Variants in NAV3 observed in about 807,000 individuals in gnomAD.
NAV3 encodes the protein neuron navigator 3, also known as pore membrane and/or filament interacting like protein 1.
A neutral mutation model predicts 244.7 loss-of-function variants in NAV3; 87 were observed. The ratio of observed to expected loss-of-function variants is 0.36; its 90% CI spans 0.30 to 0.42. The LOEUF is 0.42. Ranked by LOEUF, NAV3 falls within the 20% of genes least tolerant of loss-of-function variation. The pLI is 1.00. For synonymous variants in NAV3, 1,126 were observed against 1,042.2 expected (o/e 1.08, Z -1.55); for missense variants, 2,663 against 2,893.3 (o/e 0.92, Z 1.83).
intron 2 of NAV3, among the ~76,000 whole-genome samples, chr12:77,587,742 A>G (rs1343812035): frequency 1.3e-5 from 2 of 152,232 alleles, no homozygotes; most frequent in African/African-American, 2.4e-5. Flanking sequence ...AATAAGATGC[A>G]TGAATAGTTA....
At position 77,712,018 on chromosome 12, in the gene NAV3, G is replaced by A. The variant is rs1565782411; in HGVS notation, c.72+139752G>A. On this transcript the variant is annotated intron_variant, in intron 2 of 8. Coordinates refer to the NAV3 transcript ENST00000550042. The stretch of plus-strand genomic sequence containing the variant: ...AAAAAGCTTAGCTCTTTTGAATTAA[G>A]TCTGTGCATGTCTGTCCTTTAAACC... 2.0e-5 allele frequency among the ~76,000 whole-genome samples: 3 copies of A among 152,068 alleles called. No homozygotes were observed. In the South Asian group the frequency reaches 6.2e-4, roughly 32 times the overall value.
chr12:77,739,827 A>T (rs1868294177), intron 2 of NAV3, among the ~76,000 whole-genome samples: 1 of 152,210 alleles, frequency 6.6e-6, no homozygotes, highest in South Asian at 2.1e-4. Context: ...CCACATGGAT[A>T]ATTGTCTCAT....
At chr12:78,148,462 C>T (rs541245626) in intron 21 of NAV3, among the ~76,000 whole-genome samples, 9 of 151,646 alleles carry the variant, frequency 5.9e-5, no homozygotes, top group Admixed American at 2.0e-4. Context: ...TAAAAAAGAA[C>T]AAGAAAAATA....
At chr12:77,843,588 A>G (rs1026811162) in intron 1 of NAV3, among the ~76,000 whole-genome samples, 1 of 151,626 alleles carries the variant, frequency 6.6e-6, no homozygotes, top group African/African-American at 2.4e-5. Flanking sequence ...AGGAATCTAT[A>G]TTCATTTTTT....
intron 1 of NAV3, among the ~76,000 whole-genome samples, chr12:77,881,865 C>T (rs1882694292): frequency 1.3e-5 from 2 of 152,044 alleles, no homozygotes; most frequent in South Asian, 2.1e-4. Flanking sequence ...ATACAGCTAA[C>T]CAAGGTGGTG....
At chr12:77,619,225 C>A (rs1432777571) in intron 2 of NAV3, among the ~76,000 whole-genome samples, 1 of 152,148 alleles carries the variant, frequency 6.6e-6, no homozygotes, top group Admixed American at 6.5e-5. Flanking sequence ...AGAGCTCTCT[C>A]GTCAACCCCC....
intron 1 of NAV3, among the ~76,000 whole-genome samples, chr12:77,924,511 G>A (rs1042878266): frequency 3.3e-5 from 5 of 152,064 alleles, no homozygotes; most frequent in Admixed American, 2.0e-4. Context: ...GGGACTTCCA[G>A]GCATGAGGCA....
intron 12 of NAV3, among the ~76,000 whole-genome samples, chr12:78,111,172 T>G (rs1485757162): frequency 2.0e-5 from 3 of 152,126 alleles, no homozygotes; most frequent in African/African-American, 7.2e-5. Context: ...ACCTAAATAC[T>G]TGATCACTAT....
At chr12:77,664,602 T>A (rs1261245497) in intron 2 of NAV3, among the ~76,000 whole-genome samples, 2 of 152,216 alleles carry the variant, frequency 1.3e-5, no homozygotes, top group East Asian at 3.8e-4. Flanking sequence ...ACACTTACAG[T>A]TCTATTATAA....
At chr12:78,210,338 T>A (rs1320070456) in intron 39 of NAV3, 60 bp from the exon 40 acceptor site, 25 of 1,605,842 alleles carry the variant, frequency 1.6e-5, no homozygotes, top group Non-Finnish European at 2.0e-5. Flanking sequence ...GCCTTGTTTT[T>A]TATGGGCTGG....
At chr12:77,773,997 T>C (rs964835386) in intron 2 of NAV3, among the ~76,000 whole-genome samples, 9 of 152,198 alleles carry the variant, frequency 5.9e-5, no homozygotes, top group African/African-American at 2.2e-4. Context: ...TTTTTTATAC[T>C]GACCTTGCCT....
intron 2 of NAV3, among the ~76,000 whole-genome samples, chr12:77,744,835 A>G (rs1460104161): frequency 6.6e-6 from 1 of 151,940 alleles, no homozygotes; most frequent in Admixed American, 6.6e-5. Context: ...TCATAAAACT[A>G]ATAACAATAA....
At chr12:78,197,497 A>C in intron 35 of NAV3, 96 bp downstream of exon 35, 1 of 865,260 alleles carries the variant, frequency 1.2e-6, no homozygotes, top group Non-Finnish European at 1.7e-6. Context: ...TTTGTTTAAT[A>C]TTTAATTTTT....
chr12:77,661,626 C>G (rs77169250), intron 2 of NAV3, among the ~76,000 whole-genome samples: 1 of 151,956 alleles, frequency 6.6e-6, no homozygotes, highest in Non-Finnish European at 1.5e-5. Context: ...TTGCTTAATG[C>G]CAGGCCCCCC....
intron 1 of NAV3, among the ~76,000 whole-genome samples, chr12:77,913,427 A>G (rs1252870757): frequency 6.6e-6 from 1 of 152,038 alleles, no homozygotes; most frequent in Non-Finnish European, 1.5e-5. Context: ...TTAACCATAA[A>G]CTAGGCGTTA....
intron 2 of NAV3, among the ~76,000 whole-genome samples, chr12:77,586,611 A>G (rs1020400259): frequency 2.0e-5 from 3 of 152,264 alleles, no homozygotes; most frequent in Non-Finnish European, 4.4e-5. Context: ...AAGTAAATCT[A>G]GAGCAACTAA....
At chr12:77,601,556 C>T (rs1484275575) in intron 2 of NAV3, among the ~76,000 whole-genome samples, 1 of 151,802 alleles carries the variant, frequency 6.6e-6, no homozygotes, top group Non-Finnish European at 1.5e-5. Flanking sequence ...AATGGGACTT[C>T]AATGTAGTAG....
At chr12:77,925,111 G>T (rs1372555362) in intron 1 of NAV3, among the ~76,000 whole-genome samples, 1 of 151,946 alleles carries the variant, frequency 6.6e-6, no homozygotes, top group Non-Finnish European at 1.5e-5. Context: ...AGGGTGAAAG[G>T]TTGGGAAAAA....
At chr12:78,195,946 A>C (rs1470274811) in intron 34 of NAV3, among the ~76,000 whole-genome samples, 1 of 152,070 alleles carries the variant, frequency 6.6e-6, no homozygotes, top group Non-Finnish European at 1.5e-5. Flanking sequence ...GATGCAGTTC[A>C]TAATAAATGT....
Sources: gnomAD v4.1 joint callset for allele counts (sites outside exome capture counted in the v4.1 genomes callset) on GRCh38, gnomAD v4.1.1 for gene constraint, MANE v1.5 for transcripts, NCBI Gene and HGNC (gene_info 2026-07-23, HGNC 2026-07-21) for gene names.